Variants in HPSE2 observed in about 807,000 individuals in gnomAD.
The protein encoded by HPSE2 is heparanase 2 (inactive).
In HPSE2, 38 loss-of-function variants were observed where a neutral mutation model predicts 60.5. The ratio of observed to expected loss-of-function variants is 0.63; its 90% confidence interval spans 0.48 to 0.82. The LOEUF is 0.82. Ranked by LOEUF, HPSE2 falls within the 40% of genes least tolerant of loss-of-function variation. The pLI, the probability that HPSE2 is intolerant of heterozygous loss-of-function variation, is 0.00. For missense variants in HPSE2, 713 were observed against 740.4 expected (o/e 0.96, Z 0.43); for synonymous variants, 295 against 293.2 (o/e 1.01, Z -0.06).
At chr10:98,635,647 T>G (rs2134020877) in intron 7 of HPSE2, among the ~76,000 whole-genome samples, 2 of 152,168 alleles carry the variant, frequency 1.3e-5, no homozygotes, top group Middle Eastern at 6.8e-3. Flanking sequence ...CCAGGTGTGG[T>G]AGCGTGGGCT....
At chr10:98,675,273 T>A (rs1947607155) in intron 6 of HPSE2, among the ~76,000 whole-genome samples, 1 of 152,124 alleles carries the variant, frequency 6.6e-6, no homozygotes, top group South Asian at 2.1e-4. Context: ...TTCTAAAAGA[T>A]CACTCTATTT....
intron 3 of HPSE2, among the ~76,000 whole-genome samples, chr10:98,796,125 T>C (rs1168024042): frequency 6.6e-6 from 1 of 152,146 alleles, no homozygotes; most frequent in Non-Finnish European, 1.5e-5. Flanking sequence ...AGACTCCTTG[T>C]GTTTGAGAAA....
intron 9 of HPSE2, among the ~76,000 whole-genome samples, chr10:98,517,909 G>T (rs2133764050): frequency 6.6e-6 from 1 of 152,346 alleles, no homozygotes; most frequent in South Asian, 2.1e-4. Context: ...CCTGGCACAG[G>T]CCTGGTTGTT....
At chr10:99,163,522 T>C (rs1846933498) in intron 2 of HPSE2, among the ~76,000 whole-genome samples, 1 of 152,154 alleles carries the variant, frequency 6.6e-6, no homozygotes, top group Non-Finnish European at 1.5e-5. Context: ...TTTCATCATA[T>C]GAATAAAAAA....
At chr10:99,178,560 A>G (rs972242066) in intron 2 of HPSE2, among the ~76,000 whole-genome samples, 29 of 152,264 alleles carry the variant, frequency 1.9e-4, no homozygotes, top group African/African-American at 6.7e-4. Context: ...CCCTCCAAAC[A>G]TTAAACCAGG....
intron 3 of HPSE2, among the ~76,000 whole-genome samples, chr10:99,069,860 A>G (rs997154240): frequency 4.6e-5 from 7 of 152,070 alleles, no homozygotes; most frequent in Non-Finnish European, 1.0e-4. Flanking sequence ...ATGAAAAAAA[A>G]CTATACTTAC....
intron 2 of HPSE2, among the ~76,000 whole-genome samples, chr10:99,228,829 CAT>C (rs1412479440): frequency 6.6e-6 from 1 of 152,138 alleles, no homozygotes; most frequent in South Asian, 2.1e-4. Flanking sequence ...ACAGAAGACA[CAT>C]GAGTTGTTAA....
chr10:99,187,282 A>G (rs1848063773), intron 2 of HPSE2, among the ~76,000 whole-genome samples: 1 of 152,182 alleles, frequency 6.6e-6, no homozygotes, highest in Non-Finnish European at 1.5e-5. Context: ...TAAGACAGAG[A>G]AGTGTACTTA....
chr10:98,658,600 CTT>C (rs1385210815), intron 6 of HPSE2, among the ~76,000 whole-genome samples: 1 of 151,046 alleles, frequency 6.6e-6, no homozygotes, highest in African/African-American at 2.4e-5. Flanking sequence ...TTTAAGAAAT[CTT>C]TGCCTACCCT....
chr10:98,940,877 T>C (rs1954975368), intron 3 of HPSE2, among the ~76,000 whole-genome samples: 1 of 136,168 alleles, frequency 7.3e-6, no homozygotes, highest in Admixed American at 7.4e-5. Context: ...TCAAAAAGCT[T>C]ATCCACCATA....
intron 9 of HPSE2, among the ~76,000 whole-genome samples, chr10:98,586,167 C>G (rs889587661): frequency 6.6e-6 from 1 of 152,140 alleles, no homozygotes; most frequent in South Asian, 2.1e-4. Flanking sequence ...GATTCATATA[C>G]AATAGAATTG....
intron 6 of HPSE2, among the ~76,000 whole-genome samples, chr10:98,685,527 G>C (rs1180061374): frequency 6.6e-6 from 1 of 151,944 alleles, no homozygotes; most frequent in Non-Finnish European, 1.5e-5. Flanking sequence ...TTTTTATAAG[G>C]CTTTTTCACT....
intron 9 of HPSE2, among the ~76,000 whole-genome samples, chr10:98,540,220 A>G (rs1174156086): frequency 6.6e-6 from 1 of 152,266 alleles, no homozygotes; most frequent in Non-Finnish European, 1.5e-5. Flanking sequence ...TGAAGAAACC[A>G]CCAATGGCAG....
chr10:99,251,613 C>T, the HPSE2 span, among the ~76,000 whole-genome samples: 1 of 152,208 alleles, frequency 6.6e-6, no homozygotes, highest in Non-Finnish European at 1.5e-5. Flanking sequence ...CCGAATCCAG[C>T]AGCTAATTCA....
At chr10:99,228,741 A>G (rs1159041964) in intron 2 of HPSE2, among the ~76,000 whole-genome samples, 2 of 152,262 alleles carry the variant, frequency 1.3e-5, no homozygotes, top group Non-Finnish European at 2.9e-5. Context: ...TGAAGCTCCC[A>G]AAGTGATACA....
At chr10:98,554,565 G>A (rs1263399763) in intron 9 of HPSE2, among the ~76,000 whole-genome samples, 1 of 152,062 alleles carries the variant, frequency 6.6e-6, no homozygotes, top group Non-Finnish European at 1.5e-5. Context: ...CCTTACATCA[G>A]CACCAAAATG....
intron 3 of HPSE2, among the ~76,000 whole-genome samples, chr10:99,069,230 AT>A (rs912367953): frequency 6.6e-6 from 1 of 152,114 alleles, no homozygotes; most frequent in African/African-American, 2.4e-5. Flanking sequence ...GAAGCTAGAA[AT>A]TTTGTCCAAC....
intron 9 of HPSE2, among the ~76,000 whole-genome samples, chr10:98,580,863 T>TGA (rs61310864): frequency 0.017 from 2,451 of 142,556 alleles, 51 homozygotes; most frequent in South Asian, 0.025. Flanking sequence ...TGTGTGTGTG[T>TGA]GATAAACATG....
chr10:98,742,954 C>CT (rs1333808649), intron 4 of HPSE2, among the ~76,000 whole-genome samples: 32 of 138,944 alleles, frequency 2.3e-4, no homozygotes, highest in South Asian at 1.4e-3. Flanking sequence ...TGGGTCTCTT[C>CT]TTTTTTTTCC....
Sources: gnomAD v4.1 joint callset for allele counts (sites outside exome capture counted in the v4.1 genomes callset) on GRCh38, gnomAD v4.1.1 for gene constraint, MANE v1.5 for transcripts, NCBI Gene and HGNC (gene_info 2026-07-23, HGNC 2026-07-21) for gene names.